MALRD1: variants seen among roughly 807,000 people sequenced by gnomAD.
MALRD1 encodes MAM and LDL-receptor class A domain-containing protein 1.
Under a neutral mutation model 242.1 loss-of-function variants are expected in MALRD1, and 247 were observed. That is an observed-to-expected ratio of 1.02 (90% confidence interval 0.92 to 1.13). The LOEUF is 1.13. MALRD1 is among the 50% of genes most tolerant of loss of function. The pLI is 0.00. For missense variants in MALRD1, 2,989 were observed against 2,533.1 expected, an observed-to-expected ratio of 1.18 and a Z score of -3.86; for synonymous variants, 995 against 866.6, an observed-to-expected ratio of 1.15 and a Z score of -2.60.
At chr10:19,261,482 A>G (rs115729076) in intron 19 of MALRD1, among the ~76,000 whole-genome samples, 2,233 of 150,970 alleles carry the variant, frequency 0.015, 57 homozygotes, top group African/African-American at 0.051. Flanking sequence ...GATGCTTTCC[A>G]GTCATTTTTT....
At chr10:19,577,274 T>C (rs1836877013) in intron 33 of MALRD1, among the ~76,000 whole-genome samples, 1 of 152,122 alleles carries the variant, frequency 6.6e-6, no homozygotes, top group African/African-American at 2.4e-5. Flanking sequence ...ATTATTAGAT[T>C]TTAAATCTAT....
At chr10:19,548,248 C>T (rs2358416) in intron 32 of MALRD1, among the ~76,000 whole-genome samples, 1 of 151,800 alleles carries the variant, frequency 6.6e-6, no homozygotes, top group African/African-American at 2.4e-5. Context: ...ATTTGCCCCC[C>T]TCTGCCGCCC....
intron 28 of MALRD1, among the ~76,000 whole-genome samples, chr10:19,427,634 A>G (rs986502581): frequency 2.0e-5 from 3 of 152,166 alleles, no homozygotes; most frequent in Non-Finnish European, 4.4e-5. Context: ...TCATCCCCTA[A>G]GTAGTCTGAT....
rs144592035 is a variant in MALRD1, at chr10:19,389,743, G to T, written c.4845+134G>T. The T allele has an allele frequency of 9.6e-5, 88 of 912,236 alleles. 2 individuals carry two copies. In the Admixed American group the frequency reaches 2.2e-3, roughly 23 times the overall value. 56.5% of individuals were successfully genotyped at this position (912,236 alleles called of 1,614,324 possible). The stretch of plus-strand genomic sequence containing the variant: ...CAGCCTCCAACTCCTGGACTCAAGC[G>T]ATCCTCCTGCCTCTGCCTCCCGAAT... On this transcript the variant is annotated intron_variant, in intron 28 of 39. Transcript: ENST00000454679.
chr10:19,073,418 A>G (rs542386121), intron 2 of MALRD1, among the ~76,000 whole-genome samples: 4 of 152,146 alleles, frequency 2.6e-5, no homozygotes, highest in African/African-American at 9.7e-5. Context: ...CAGGTTTATC[A>G]TCCCTTATCC....
intron 2 of MALRD1, among the ~76,000 whole-genome samples, chr10:19,081,599 C>T (rs1010799158): frequency 2.0e-5 from 3 of 151,986 alleles, no homozygotes. Context: ...GAACAACAGA[C>T]ACTGGGACCT....
At chr10:19,221,131 T>A (rs11008984) in intron 18 of MALRD1, among the ~76,000 whole-genome samples, 11,009 of 152,118 alleles carry the variant, frequency 0.072, 603 homozygotes, top group East Asian at 0.25. Context: ...TAAAAAATGT[T>A]GTTTATAATC....
chr10:19,352,490 AAG>A, intron 26 of MALRD1, among the ~76,000 whole-genome samples, 193 bp downstream of exon 26: 1 of 57,496 alleles, frequency 1.7e-5, no homozygotes, highest in East Asian at 3.5e-4. Context: ...CATTTTCTCC[AAG>A]TGTTTTGGTC....
rs904428664 is a variant in MALRD1 at position 19,291,156 on chromosome 10, CT to C, written c.3419+7982del. On this transcript the variant is annotated intron_variant, in intron 21 of 39. Coordinates refer to ENST00000454679, the MANE Select transcript of MALRD1 (RefSeq NM_001142308.3). Reference sequence around the variant, plus strand: ...GGTTAAATAATGTTTAATATTAACACTTTTTTTAGTATAAAATTATTCCCTT... The same window carrying C: ...GGTTAAATAATGTTTAATATTAACACTTTTTTAGTATAAAATTATTCCCTT... Among the ~76,000 whole-genome samples the C allele has an allele frequency of 3.3e-5, 5 of 152,166 alleles. No homozygotes were observed. The East Asian group carries it at 7.7e-4, about 24-fold the overall frequency.
At chr10:19,600,162 C>T (rs1006613552) in intron 34 of MALRD1, among the ~76,000 whole-genome samples, 9 of 152,072 alleles carry the variant, frequency 5.9e-5, no homozygotes, top group African/African-American at 1.7e-4. Context: ...TAGATCCAAC[C>T]TTATCATCAA....
At chr10:19,223,543 T>C (rs1837652729) in intron 18 of MALRD1, among the ~76,000 whole-genome samples, 1 of 149,898 alleles carries the variant, frequency 6.7e-6, no homozygotes, top group Non-Finnish European at 1.5e-5. Flanking sequence ...CATTTGTGTG[T>C]ATATATATAC....
rs927821603 is a variant in MALRD1, at chr10:19,625,806, A to G, written c.6137+9883A>G. On this transcript the variant is annotated intron_variant, in intron 36 of 39. Transcript: ENST00000454679. Reference sequence around the variant, plus strand: ...GGAGCCACTAGTAATCTGTTTGCCAATTGCATATTTAACATCAGCTAAATC... The same window carrying G: ...GGAGCCACTAGTAATCTGTTTGCCAGTTGCATATTTAACATCAGCTAAATC... 3.3e-5 allele frequency among the ~76,000 whole-genome samples: 5 copies of G among 152,166 alleles called. No homozygotes were observed. In the South Asian group the frequency reaches 6.2e-4, roughly 19 times the overall value.
At chr10:19,103,551 C>CAAAAAAAAAAA (rs61433069) in intron 4 of MALRD1, among the ~76,000 whole-genome samples, 8 of 109,724 alleles carry the variant, frequency 7.3e-5, no homozygotes, top group Non-Finnish European at 9.2e-5. Flanking sequence ...GACTCCGTCT[C>CAAAAAAAAAAA]AAAAAAAAAA....
At chr10:19,233,365 G>T (rs2091342034) in intron 18 of MALRD1, among the ~76,000 whole-genome samples, 1 of 152,068 alleles carries the variant, frequency 6.6e-6, no homozygotes, top group African/African-American at 2.4e-5. Flanking sequence ...AGCCAGGTGT[G>T]GTGGCGAGTG....
chr10:19,588,087 C>T (rs1837538085), intron 33 of MALRD1, among the ~76,000 whole-genome samples: 1 of 151,944 alleles, frequency 6.6e-6, no homozygotes, highest in South Asian at 2.1e-4. Context: ...CTGTAGGATG[C>T]ATATGAAATG....
intron 38 of MALRD1, among the ~76,000 whole-genome samples, chr10:19,715,167 A>G (rs1411862179): frequency 6.6e-6 from 1 of 152,078 alleles, no homozygotes; most frequent in Admixed American, 6.5e-5. Flanking sequence ...TTATTTCCCT[A>G]TACTGACCAT....
intron 17 of MALRD1, 87 bp from the exon 18 acceptor site, chr10:19,209,181 G>A: frequency 8.3e-7 from 1 of 1,207,902 alleles, no homozygotes. Flanking sequence ...GTATCAACTA[G>A]CATTCTTTAA....
intron 12 of MALRD1, among the ~76,000 whole-genome samples, chr10:19,164,944 G>A (rs1404257222): frequency 2.6e-5 from 4 of 151,866 alleles, no homozygotes; most frequent in South Asian, 2.1e-4. Context: ...GAGCTTCCAC[G>A]TTATTTGTTA....
chr10:19,488,291 A>C lies in MALRD1; in HGVS notation c.5030-3226A>C, dbSNP rs201817430. 4.6e-5 allele frequency among the ~76,000 whole-genome samples: 7 copies of C among 152,200 alleles called. No homozygotes were observed. The East Asian group carries it at 1.3e-3, about 29-fold the overall frequency. Reference sequence around the variant, plus strand: ...AACCAAGGTTTATAAAGAGCCAACTATATATCAGGTTCTATGTGAGGCCCA... The same window carrying C: ...AACCAAGGTTTATAAAGAGCCAACTCTATATCAGGTTCTATGTGAGGCCCA... On this transcript the variant is annotated intron_variant, in intron 29 of 39. Coordinates refer to ENST00000454679, the MANE Select transcript of MALRD1 (RefSeq NM_001142308.3).
Sources: gnomAD v4.1 joint callset for allele counts (sites outside exome capture counted in the v4.1 genomes callset) on GRCh38, gnomAD v4.1.1 for gene constraint, MANE v1.5 for transcripts, NCBI Gene and HGNC (gene_info 2026-07-23, HGNC 2026-07-21) for gene names.